SLC41A2: variants seen among roughly 807,000 people sequenced by gnomAD.
The protein encoded by SLC41A2 is SLC41A1-like 1.
A neutral mutation model predicts 58.3 loss-of-function variants in SLC41A2; 32 were observed. The observed-to-expected ratio is 0.55, with a 90% CI of 0.41 to 0.74. SLC41A2 has a LOEUF of 0.74. Ranked by LOEUF, SLC41A2 falls within the 30% of genes least tolerant of loss-of-function variation. The pLI is 0.00. For missense variants in SLC41A2, 514 were observed against 680.6 expected, an observed-to-expected ratio of 0.76 and a Z score of 2.72; for synonymous variants, 190 against 235.0, an observed-to-expected ratio of 0.81 and a Z score of 1.75.
At chr12:104,873,212 A>G (rs1461988732) in intron 6 of SLC41A2, among the ~76,000 whole-genome samples, 1 of 151,472 alleles carries the variant, frequency 6.6e-6, no homozygotes, top group Non-Finnish European at 1.5e-5. Flanking sequence ...CGTAACTACC[A>G]TTCTACTCTT....
intron 10 of SLC41A2, among the ~76,000 whole-genome samples, chr12:104,822,656 T>C (rs899138541): frequency 6.6e-6 from 1 of 152,114 alleles, no homozygotes; most frequent in Non-Finnish European, 1.5e-5. Flanking sequence ...AACATCCCTC[T>C]CTTGACTAAG....
intron 2 of SLC41A2, among the ~76,000 whole-genome samples, chr12:104,927,591 G>C (rs2046893782): frequency 6.6e-6 from 1 of 152,062 alleles, no homozygotes; most frequent in Admixed American, 6.5e-5. Flanking sequence ...ATAAGGAATA[G>C]GAGAAACTTC....
intron 2 of SLC41A2, among the ~76,000 whole-genome samples, chr12:104,913,954 T>C (rs2046199155): frequency 6.6e-6 from 1 of 151,938 alleles, no homozygotes; most frequent in African/African-American, 2.4e-5. Flanking sequence ...CCCAGCTCCT[T>C]AGGAGGCCGA....
At chr12:104,888,740 T>C (rs2044795104) in intron 5 of SLC41A2, among the ~76,000 whole-genome samples, 1 of 152,150 alleles carries the variant, frequency 6.6e-6, no homozygotes, top group African/African-American at 2.4e-5. Flanking sequence ...TTTCCCAATT[T>C]ATTTAACTTA....
rs1372029470 is a variant in SLC41A2, at chr12:104,805,223, T to A, written c.1651A>T (p.Thr551Ser). ...YLTALGDLLG[T>S]ALLALSFHFL... ...TGAAAACTTAAGGCTAACAGAGCTG[T>A]CCCGAGCAGATCACCCAATGCTGTT... Residue 551 changes from threonine (T) to serine (S), a missense_variant, in exon 11 of 11, where the codon ACA becomes TCA. Physicochemically the swap from Thr to Ser is moderately conservative, Grantham distance 58 (BLOSUM62 1). Transcript: ENST00000258538. The A allele has an allele frequency of 1.2e-6, 2 of 1,613,966 alleles. No homozygotes were observed. Among genetic ancestry groups the A allele is most frequent in the South Asian group, 2.2e-5 (2 of 91,080 alleles).
In SLC41A2 at chr12:104,909,885, A is replaced by G. The variant is rs2046004765; in HGVS notation, c.556-123T>C. ...GCATCTACATTTTGAATAACCACAC[A>G]GTTCATGTAATCAGCGAGCACTTAG... On this transcript the variant is annotated intron_variant, in intron 2 of 10. Transcript: ENST00000258538. 1.3e-5 allele frequency: 8 copies of G among 606,950 alleles called. No individual in the cohort carries two copies. In the Admixed American group the frequency reaches 2.6e-4, roughly 20 times the overall value. The allele number at this position is 606,950 out of a possible 1,614,324, so 37.6% of individuals were successfully genotyped here.
intron 10 of SLC41A2, among the ~76,000 whole-genome samples, chr12:104,819,954 T>C (rs1170419119): frequency 6.6e-6 from 1 of 152,262 alleles, no homozygotes; most frequent in African/African-American, 2.4e-5. Context: ...ATAGCTGTGA[T>C]GCTGTAGTAG....
chr12:104,906,252 T>TA, intron 3 of SLC41A2, among the ~76,000 whole-genome samples: 1 of 152,162 alleles, frequency 6.6e-6, no homozygotes, highest in Non-Finnish European at 1.5e-5. Context: ...ATATAAATCT[T>TA]AGACTATATG....
intron 8 of SLC41A2, among the ~76,000 whole-genome samples, chr12:104,853,886 G>A (rs564189200): frequency 1.4e-5 from 2 of 141,176 alleles, no homozygotes; most frequent in Non-Finnish European, 3.1e-5. Flanking sequence ...TAGGACTTAC[G>A]GGTGCATGTC....
intron 8 of SLC41A2, among the ~76,000 whole-genome samples, chr12:104,854,577 A>C (rs1422423083): frequency 1.3e-5 from 2 of 151,218 alleles, no homozygotes; most frequent in South Asian, 2.1e-4. Context: ...AAACAAAAAA[A>C]AAAAAACACC....
At chr12:104,867,328 T>C (rs1458155074) in intron 6 of SLC41A2, among the ~76,000 whole-genome samples, 1 of 152,098 alleles carries the variant, frequency 6.6e-6, no homozygotes, top group Non-Finnish European at 1.5e-5. Context: ...CAAAGTTTCA[T>C]TATTATCAGA....
At chr12:104,876,823 T>C (rs2044069679) in intron 6 of SLC41A2, among the ~76,000 whole-genome samples, 1 of 152,200 alleles carries the variant, frequency 6.6e-6, no homozygotes, top group African/African-American at 2.4e-5. Flanking sequence ...TCAAGTCCAA[T>C]GCTTCCTAAT....
intron 2 of SLC41A2, among the ~76,000 whole-genome samples, chr12:104,926,170 T>C (rs769452898): frequency 1.3e-5 from 2 of 152,232 alleles, no homozygotes; most frequent in Non-Finnish European, 2.9e-5. Context: ...AGATAATATA[T>C]CTAATAGTTT....
At chr12:104,806,223 C>T (rs985003006) in intron 10 of SLC41A2, among the ~76,000 whole-genome samples, 5 of 151,936 alleles carry the variant, frequency 3.3e-5, no homozygotes, top group African/African-American at 1.2e-4. Context: ...ACTCCCCCCA[C>T]CCCACAACAG....
intron 2 of SLC41A2, among the ~76,000 whole-genome samples, chr12:104,913,063 A>T (rs1214838441): frequency 6.6e-6 from 1 of 152,190 alleles, no homozygotes; most frequent in Non-Finnish European, 1.5e-5. Context: ...CTCAAATGAA[A>T]TACTTATGGG....
chr12:104,807,973 G>A (rs76729542), intron 10 of SLC41A2, among the ~76,000 whole-genome samples: 5,638 of 152,230 alleles, frequency 0.037, 166 homozygotes, highest in Non-Finnish European at 0.048. Flanking sequence ...GGGCTGAGAC[G>A]ATGGGGTTTT....
chr12:104,829,336 T>C (rs1036857937), intron 10 of SLC41A2, among the ~76,000 whole-genome samples: 1 of 152,144 alleles, frequency 6.6e-6, no homozygotes, highest in Non-Finnish European at 1.5e-5. Context: ...AAACTACTAA[T>C]ACATGTAACC....
rs896290213 is a variant in SLC41A2 at position 104,805,469 on chromosome 12, A to G, written c.1537-132T>C. The G allele has an allele frequency of 1.2e-5, 7 of 571,848 alleles. No homozygotes were observed. In the South Asian group the frequency reaches 2.5e-4, roughly 20 times the overall value. 35.4% of individuals were successfully genotyped at this position (571,848 alleles called of 1,614,324 possible). On this transcript the variant is annotated intron_variant, in intron 10 of 10. Coordinates refer to ENST00000258538, the MANE Select transcript of SLC41A2 (RefSeq NM_001352171.3). Reference sequence around the variant, plus strand: ...AAGTCAAGAACCATGCTTGAAAATAAGAAATACTTAGATGACAAGAATACT... The same window carrying G: ...AAGTCAAGAACCATGCTTGAAAATAGGAAATACTTAGATGACAAGAATACT...
chr12:104,861,792 TAAAA>T (rs1212432997), intron 7 of SLC41A2, among the ~76,000 whole-genome samples: 1 of 152,176 alleles, frequency 6.6e-6, no homozygotes, highest in Non-Finnish European at 1.5e-5. Flanking sequence ...AAAAATAATT[TAAAA>T]AAGAGTATGG....
Sources: gnomAD v4.1 joint callset for allele counts (sites outside exome capture counted in the v4.1 genomes callset) on GRCh38, gnomAD v4.1.1 for gene constraint, MANE v1.5 for transcripts, NCBI Gene and HGNC (gene_info 2026-07-23, HGNC 2026-07-21) for gene names.